The following GREB1L variants were observed in gnomAD, a reference collection of about 807,000 sequenced individuals.
GREB1L encodes GREB1 like retinoic acid receptor coactivator, also known as GREB1-like protein.
Under a neutral mutation model 200.8 loss-of-function variants are expected in GREB1L, and 17 were observed. The observed-to-expected ratio is 0.08, with a 90% CI of 0.06 to 0.13. The LOEUF is 0.13. Among genes scored for constraint, GREB1L ranks in the 10% least tolerant of loss-of-function variants. The pLI is 1.00. For missense variants in GREB1L, 1,657 were observed against 2,367.7 expected, an observed-to-expected ratio of 0.70 and a Z score of 6.23; for synonymous variants, 789 against 893.0, an observed-to-expected ratio of 0.88 and a Z score of 2.08.
chr18:21,525,410 A>C lies in GREB1L; in HGVS notation c.*2589A>C, dbSNP rs1248363162. ...GCTTAATGTATTAAAGTTATCTCCCACCCCCTCCAAAAAGTTATTTTTTCT... is the reference window on the plus strand; with the variant it reads ...GCTTAATGTATTAAAGTTATCTCCCCCCCCCTCCAAAAAGTTATTTTTTCT... On this transcript the variant is annotated 3_prime_UTR_variant, in exon 33 of 33. Coordinates refer to ENST00000424526, the MANE Select transcript of GREB1L (RefSeq NM_001142966.3). 1.3e-5 allele frequency: 2 copies of C among 150,990 alleles called. No individual in the cohort carries two copies. Among genetic ancestry groups the C allele is most frequent in the Non-Finnish European group, 3.0e-5 (2 of 67,786 alleles). The allele number at this position is 150,990 out of a possible 1,614,324, so 9.4% of individuals were successfully genotyped here.
intron 1 of GREB1L, among the ~76,000 whole-genome samples, chr18:21,328,270 T>G (rs1364339668): frequency 6.6e-6 from 1 of 152,180 alleles, no homozygotes; most frequent in Non-Finnish European, 1.5e-5. Flanking sequence ...GCTGTGAACT[T>G]CTGGATAGTG....
Position 21,274,868 on chromosome 18 carries a change from C to T in GREB1L, c.-120+32475C>T, listed in dbSNP as rs192744626. 2.0e-5 allele frequency among the ~76,000 whole-genome samples: 3 copies of T among 150,472 alleles called. No homozygotes were observed. The East Asian group carries it at 6.0e-4, about 30-fold the overall frequency. ...CGCTACTGCACTCCAGCCTGGGCAA[C>T]ACAGCAAGACCCCATCTCTAAAAAA... is the stretch of plus-strand genomic sequence containing the variant. On this transcript the variant is annotated intron_variant, in intron 1 of 32. Coordinates refer to ENST00000424526, the MANE Select transcript of GREB1L (RefSeq NM_001142966.3).
chr18:21,265,541 A>T (rs549727705), intron 1 of GREB1L, among the ~76,000 whole-genome samples: 2 of 152,034 alleles, frequency 1.3e-5, no homozygotes, highest in African/African-American at 4.8e-5. Context: ...ATTAGCACTC[A>T]CCTATATTGA....
At chr18:21,390,815 G>A (rs1365620349) in intron 4 of GREB1L, among the ~76,000 whole-genome samples, 5 of 152,036 alleles carry the variant, frequency 3.3e-5, no homozygotes, top group Admixed American at 6.6e-5. Flanking sequence ...GATTACAGGC[G>A]TGAGCCACCG....
intron 1 of GREB1L, among the ~76,000 whole-genome samples, chr18:21,314,958 GTCTT>G (rs1354981563): frequency 2.0e-5 from 3 of 152,210 alleles, no homozygotes; most frequent in African/African-American, 7.2e-5. Context: ...ACATGTAAAA[GTCTT>G]TAGGCTTTGC....
intron 20 of GREB1L, among the ~76,000 whole-genome samples, chr18:21,496,215 TAAAAC>T (rs890437166): frequency 1.0e-3 from 153 of 152,284 alleles, no homozygotes; most frequent in African/African-American, 3.6e-3. Context: ...ATTCAGTCCT[TAAAAC>T]AACCATATGA....
In GREB1L at chr18:21,427,891, C is replaced by A. The variant is rs577933624; in HGVS notation, c.833-11630C>A. Reference sequence around the variant, plus strand: ...TCTTGTACATGTTAAATAGAAGCGGCAAGAGTGGACATATCTTGGCCGGGC... The same window carrying A: ...TCTTGTACATGTTAAATAGAAGCGGAAAGAGTGGACATATCTTGGCCGGGC... On this transcript the variant is annotated intron_variant, in intron 7 of 32. Transcript: ENST00000424526. Among the ~76,000 whole-genome samples, 4 of 152,234 alleles carry A rather than the reference C, an allele frequency of 2.6e-5. No homozygotes were observed. In the South Asian group the frequency reaches 8.3e-4, roughly 32 times the overall value.
At chr18:21,497,817 C>CG (rs1288750678) in intron 21 of GREB1L, among the ~76,000 whole-genome samples, 2 of 126,264 alleles carry the variant, frequency 1.6e-5, no homozygotes, top group South Asian at 3.3e-4. Flanking sequence ...CACCACCCCC[C>CG]CCCCTTTTTT....
intron 2 of GREB1L, among the ~76,000 whole-genome samples, chr18:21,379,524 A>G (rs1417768681): frequency 6.6e-6 from 1 of 152,180 alleles, no homozygotes; most frequent in African/African-American, 2.4e-5. Context: ...ATTTTCAATG[A>G]TGAAAGGAAG....
intron 1 of GREB1L, among the ~76,000 whole-genome samples, chr18:21,328,222 C>T (rs1437356127): frequency 6.6e-6 from 1 of 151,996 alleles, no homozygotes; most frequent in Non-Finnish European, 1.5e-5. Flanking sequence ...GTGTGCTCCT[C>T]TATGAGAGCC....
rs67061918 is a variant in GREB1L, at chr18:21,278,389, AAAATAAAT to A, written c.-120+36032_-120+36039del. ...GAGCAAGACTCCATCTCAAAAAAAA[AAAATAAAT>A]AAATAAATAAATAAATAAATAAATA... On this transcript the variant is annotated intron_variant, in intron 1 of 32. Coordinates refer to ENST00000424526, the MANE Select transcript of GREB1L (RefSeq NM_001142966.3). Among the ~76,000 whole-genome samples, 174 of 125,616 alleles carry A rather than the reference AAAATAAAT, an allele frequency of 1.4e-3. 2 individuals are homozygous for A. Among genetic ancestry groups the A allele is most frequent in the East Asian group, 6.4e-3 (29 of 4,540 alleles). 82.4% of individuals were successfully genotyped at this position (125,616 alleles called of 152,430 possible).
intron 1 of GREB1L, among the ~76,000 whole-genome samples, chr18:21,291,431 G>C (rs1299516441): frequency 6.6e-6 from 1 of 152,166 alleles, no homozygotes; most frequent in East Asian, 1.9e-4. Flanking sequence ...TTTCCATGTT[G>C]AGCTCACGTG....
chr18:21,268,825 T>C (rs1475318867), intron 1 of GREB1L, among the ~76,000 whole-genome samples: 1 of 151,712 alleles, frequency 6.6e-6, no homozygotes, highest in Non-Finnish European at 1.5e-5. Context: ...CTTGAACTCC[T>C]GGGCTCAAGT....
intron 1 of GREB1L, among the ~76,000 whole-genome samples, chr18:21,299,279 GA>G (rs149142489): frequency 0.3 from 29,782 of 100,882 alleles, 3,543 homozygotes; most frequent in African/African-American, 0.44. Flanking sequence ...ACTCAGTCTC[GA>G]AAAAAAAAAA....
At chr18:21,414,037 A>T (rs1290159788) in intron 7 of GREB1L, among the ~76,000 whole-genome samples, 5 of 152,264 alleles carry the variant, frequency 3.3e-5, no homozygotes, top group Non-Finnish European at 5.9e-5. Flanking sequence ...TAAAATATTT[A>T]TACCTTTTGC....
intron 15 of GREB1L, chr18:21,455,239 T>TA (rs1395858562): frequency 3.3e-5 from 5 of 152,264 alleles, no homozygotes; most frequent in Non-Finnish European, 7.3e-5. Flanking sequence ...GAAACAGCTG[T>TA]AAAATGCTTG....
chr18:21,442,530 G>A (rs543243339), intron 10 of GREB1L, among the ~76,000 whole-genome samples: 29 of 152,214 alleles, frequency 1.9e-4, no homozygotes, highest in South Asian at 6.2e-4. Context: ...TGCATAGAAC[G>A]TGGGACCCTT....
At chr18:21,349,428 A>G (rs1162153332) in intron 1 of GREB1L, among the ~76,000 whole-genome samples, 2 of 152,118 alleles carry the variant, frequency 1.3e-5, no homozygotes, top group African/African-American at 4.8e-5. Context: ...TATGCCTTTG[A>G]TAGTCTGTTC....
chr18:21,409,290 G>A (rs1356365814), intron 7 of GREB1L, among the ~76,000 whole-genome samples: 2 of 152,188 alleles, frequency 1.3e-5, no homozygotes, highest in Non-Finnish European at 2.9e-5. Flanking sequence ...ACCACATATT[G>A]TATGGTTCTG....
Sources: allele counts gnomAD v4.1 joint callset (sites outside exome capture counted in the v4.1 genomes callset), GRCh38; gene constraint gnomAD v4.1.1; transcripts MANE v1.5; gene names NCBI Gene and HGNC (gene_info 2026-07-23, HGNC 2026-07-21).